The following LRRC4C variants were observed in gnomAD, a reference collection of about 807,000 sequenced individuals.
The protein encoded by LRRC4C is leucine-rich repeat-containing protein 4C.
A neutral mutation model predicts 33.6 loss-of-function variants in LRRC4C; 5 were observed. The observed-to-expected ratio is 0.15, with a 90% CI of 0.08 to 0.31. The LOEUF (loss-of-function observed/expected upper bound fraction) is 0.31, where lower values mean the gene tolerates loss of function less well. Among genes scored for constraint, LRRC4C ranks in the 10% least tolerant of loss-of-function variants. The pLI, the probability that LRRC4C is intolerant of heterozygous loss-of-function variation, is 1.00. For missense variants in LRRC4C, 560 were observed against 796.7 expected (o/e 0.70, Z 3.58); for synonymous variants, 329 against 302.0 (o/e 1.09, Z -0.93).
At chr11:41,284,770 C>T (rs1357393520) in intron 1 of LRRC4C, among the ~76,000 whole-genome samples, 1 of 152,168 alleles carries the variant, frequency 6.6e-6, no homozygotes, top group Non-Finnish European at 1.5e-5. Context: ...GTATGTTGAA[C>T]ACCAATCCAT....
intron 1 of LRRC4C, among the ~76,000 whole-genome samples, chr11:41,325,577 T>TG (rs1555147354): frequency 0.17 from 17,267 of 102,894 alleles, 1,371 homozygotes; most frequent in South Asian, 0.23. Context: ...TTTTTTTTTT[T>TG]TGTGTGTGTG....
intron 2 of LRRC4C, among the ~76,000 whole-genome samples, chr11:40,746,879 A>G (rs1948454275): frequency 6.6e-6 from 1 of 151,992 alleles, no homozygotes; most frequent in Non-Finnish European, 1.5e-5. Context: ...CACAGTTACG[A>G]CCAATGTTAA....
At chr11:40,393,472 G>A (rs1168979175) in intron 3 of LRRC4C, among the ~76,000 whole-genome samples, 1 of 152,086 alleles carries the variant, frequency 6.6e-6, no homozygotes, top group Non-Finnish European at 1.5e-5. Flanking sequence ...AAATCTTTCA[G>A]CTCTAGTTCT....
At chr11:41,451,338 A>G (rs2138644773) in intron 1 of LRRC4C, among the ~76,000 whole-genome samples, 1 of 151,820 alleles carries the variant, frequency 6.6e-6, no homozygotes, top group East Asian at 1.9e-4. Flanking sequence ...ACCCCCACCC[A>G]CATAGACATA....
At chr11:41,256,246 G>A (rs1176452802) in intron 1 of LRRC4C, among the ~76,000 whole-genome samples, 5 of 151,816 alleles carry the variant, frequency 3.3e-5, no homozygotes, top group Non-Finnish European at 7.4e-5. Flanking sequence ...CAAGTATTGT[G>A]TTCAGAGTAA....
chr11:41,285,095 T>C (rs1378045414), intron 1 of LRRC4C, among the ~76,000 whole-genome samples: 6 of 152,156 alleles, frequency 3.9e-5, no homozygotes. Flanking sequence ...CCTGATCTGT[T>C]TGGTAAAGAT....
rs551942250 is a variant in LRRC4C at position 40,964,669 on chromosome 11, T to C, written c.-495-30946A>G. Among the ~76,000 whole-genome samples the C allele has an allele frequency of 2.0e-5, 3 of 151,864 alleles. No individual in the cohort carries two copies. The South Asian group carries it at 6.2e-4, about 32-fold the overall frequency. On this transcript the variant is annotated intron_variant, in intron 1 of 6. Coordinates refer to ENST00000528697, the MANE Select transcript of LRRC4C (RefSeq NM_001258419.2). ...GTTTGCTAAGAATGATGGTTTCCAG[T>C]TTCATCCATGTCCCTACAAAGGACA...
At chr11:41,156,497 A>G (rs1052945393) in intron 1 of LRRC4C, among the ~76,000 whole-genome samples, 3 of 152,052 alleles carry the variant, frequency 2.0e-5, no homozygotes, top group Non-Finnish European at 4.4e-5. Flanking sequence ...TTCCCACTTA[A>G]CAATTTCTGA....
intron 1 of LRRC4C, among the ~76,000 whole-genome samples, chr11:41,209,075 G>GAA (rs74260780): frequency 7.7e-6 from 1 of 129,604 alleles, no homozygotes; most frequent in Non-Finnish European, 1.7e-5. Context: ...GGTTCAGAAA[G>GAA]AAAAAAAAAA....
At chr11:41,230,902 T>A (rs1947757642) in intron 1 of LRRC4C, among the ~76,000 whole-genome samples, 1 of 118,360 alleles carries the variant, frequency 8.4e-6, no homozygotes, top group Non-Finnish European at 1.9e-5. Flanking sequence ...CTCAAACAAA[T>A]TTACAAAAAA....
intron 2 of LRRC4C, among the ~76,000 whole-genome samples, chr11:40,880,543 G>A (rs367633743): frequency 3.0e-4 from 38 of 126,010 alleles, no homozygotes; most frequent in Non-Finnish European, 3.4e-4. Flanking sequence ...ATTTTTAAAT[G>A]AAAAAAAAAA....
chr11:40,171,405 T>C (rs1158039958), intron 5 of LRRC4C, among the ~76,000 whole-genome samples: 1 of 152,182 alleles, frequency 6.6e-6, no homozygotes, highest in African/African-American at 2.4e-5. Context: ...TAGCAATAAC[T>C]GGAACCATCT....
At chr11:40,182,992 G>T (rs537707834) in intron 5 of LRRC4C, among the ~76,000 whole-genome samples, 1 of 152,240 alleles carries the variant, frequency 6.6e-6, no homozygotes, top group South Asian at 2.1e-4. Context: ...CTAGTAGATG[G>T]CACAGCAGAT....
intron 3 of LRRC4C, among the ~76,000 whole-genome samples, chr11:40,457,716 C>T (rs1259625485): frequency 6.6e-6 from 1 of 152,100 alleles, no homozygotes; most frequent in Non-Finnish European, 1.5e-5. Context: ...TCTTTGATCT[C>T]CACTTTCCTA....
intron 3 of LRRC4C, among the ~76,000 whole-genome samples, chr11:40,440,789 A>C (rs1421933962): frequency 6.6e-6 from 1 of 152,094 alleles, no homozygotes; most frequent in Non-Finnish European, 1.5e-5. Context: ...CGCAGCCAAC[A>C]GTTCTGCTGA....
intron 2 of LRRC4C, among the ~76,000 whole-genome samples, chr11:40,913,143 C>T (rs1241192346): frequency 6.6e-6 from 1 of 152,124 alleles, no homozygotes; most frequent in African/African-American, 2.4e-5. Flanking sequence ...ATCAATGAGA[C>T]AGAAAGTCAA....
chr11:40,710,059 C>G (rs1410797691), intron 2 of LRRC4C, among the ~76,000 whole-genome samples: 1 of 152,160 alleles, frequency 6.6e-6, no homozygotes, highest in East Asian at 1.9e-4. Context: ...AAGGTCTTCT[C>G]TACACTGTTT....
At chr11:40,883,893 G>GTTT (rs5791406) in intron 2 of LRRC4C, among the ~76,000 whole-genome samples, 36 of 146,276 alleles carry the variant, frequency 2.5e-4, no homozygotes, top group African/African-American at 5.0e-4. Context: ...CCATAAGCTA[G>GTTT]TTTTTTTTTT....
intron 3 of LRRC4C, among the ~76,000 whole-genome samples, chr11:40,422,422 G>T (rs1382589157): frequency 6.6e-6 from 1 of 152,054 alleles, no homozygotes; most frequent in Non-Finnish European, 1.5e-5. Context: ...GATCCTGGAA[G>T]AAAAATGTAA....
Sources: allele counts gnomAD v4.1 joint callset (sites outside exome capture counted in the v4.1 genomes callset), GRCh38; gene constraint gnomAD v4.1.1; transcripts MANE v1.5; gene names NCBI Gene and HGNC (gene_info 2026-07-23, HGNC 2026-07-21).